Variants in INSL6 observed in about 807,000 individuals in gnomAD.
INSL6 encodes insulin-like peptide INSL6.
INSL6 carries 16 observed loss-of-function variants against 9.4 expected under a neutral mutation model. The ratio of observed to expected loss-of-function variants is 1.70; its 90% CI spans 1.15 to 2.59. INSL6 has a LOEUF of 2.59. Among genes scored for constraint, INSL6 ranks in the 30% most tolerant of loss-of-function variants. INSL6 has a pLI of 0.00. For missense variants in INSL6, 391 were observed against 257.3 expected (o/e 1.52, Z -3.56); for synonymous variants, 154 against 96.9 (o/e 1.59, Z -3.46).
the INSL6 span, among the ~76,000 whole-genome samples, chr9:5,023,393 TG>T: frequency 6.6e-6 from 1 of 152,172 alleles, no homozygotes; most frequent in Non-Finnish European, 1.5e-5. Flanking sequence ...TGTTGTGAGC[TG>T]GGCTTCAAAA....
At chr9:5,034,614 T>A in the INSL6 span, among the ~76,000 whole-genome samples, 1 of 151,906 alleles carries the variant, frequency 6.6e-6, no homozygotes, top group Non-Finnish European at 1.5e-5. Flanking sequence ...ACATGGAAAC[T>A]GAACAACCTG....
At chr9:5,013,205 T>C in the INSL6 span, among the ~76,000 whole-genome samples, 2 of 152,190 alleles carry the variant, frequency 1.3e-5, no homozygotes, top group Admixed American at 1.3e-4. Flanking sequence ...ATAACTTATA[T>C]CTTCTTCTTT....
At chr9:5,041,268 G>T in the INSL6 span, 1 of 1,238,172 alleles carries the variant, frequency 8.1e-7, no homozygotes. Flanking sequence ...ATCGACCTCG[G>T]GCTGGCCAAG....
In INSL6 at chr9:5,131,435, A is replaced by ATTT. The variant is rs550915336; in HGVS notation, c.*10+1987_*10+1989dup. ...AATTCTTTAACACCACCAGTTAACAATTTTTTTTTTTTTTTTTTTGAGACA... is the reference window on the plus strand; with the variant it reads ...AATTCTTTAACACCACCAGTTAACAATTTTTTTTTTTTTTTTTTTTTTGAGACA... On this transcript the variant is annotated intron_variant, in intron 3 of 3. Coordinates refer to the INSL6 transcript ENST00000649639. Among the ~76,000 whole-genome samples, 7 of 115,856 alleles carry ATTT rather than the reference A, an allele frequency of 6.0e-5. 1 individual carries two copies. The highest frequency in any genetic ancestry group is 2.8e-4 in the African/African-American group (7 of 24,918). The allele number at this position is 115,856 out of a possible 152,430, so 76.0% of individuals were successfully genotyped here. A position where few individuals can be genotyped will look rare whatever the true frequency, so the allele number is the denominator to read the frequency against.
chr9:5,041,640 C>G, the INSL6 span: 17 of 502,768 alleles, frequency 3.4e-5, no homozygotes, highest in Admixed American at 6.9e-5. Flanking sequence ...CTTTGAGAAG[C>G]TCGACTACGA....
the INSL6 span, among the ~76,000 whole-genome samples, chr9:5,008,458 A>G: frequency 6.6e-6 from 1 of 152,218 alleles, no homozygotes; most frequent in Non-Finnish European, 1.5e-5. Context: ...TGAGGAGGAG[A>G]AAGTATGAGA....
the INSL6 span, among the ~76,000 whole-genome samples, chr9:5,115,493 G>T: frequency 6.6e-6 from 1 of 152,198 alleles, no homozygotes; most frequent in South Asian, 2.1e-4. Context: ...CATTGTGGAA[G>T]ACAGTGTGGC....
chr9:5,068,559 C>G, the INSL6 span, among the ~76,000 whole-genome samples: 14 of 152,168 alleles, frequency 9.2e-5, no homozygotes, highest in African/African-American at 3.4e-4. Context: ...AGAAAGATAG[C>G]ATGAAGAATT....
At chr9:5,083,486 T>C in the INSL6 span, among the ~76,000 whole-genome samples, 2 of 152,232 alleles carry the variant, frequency 1.3e-5, no homozygotes, top group Non-Finnish European at 1.5e-5. Flanking sequence ...GTCATTGATT[T>C]TCCTCTTTTC....
the INSL6 span, chr9:5,077,498 A>C: frequency 1.4e-6 from 2 of 1,413,100 alleles, no homozygotes; most frequent in Non-Finnish European, 1.9e-6. Context: ...CTAGATACAT[A>C]TCTGAAAAAG....
At chr9:5,168,833 G>A (rs909491682) in intron 1 of INSL6, among the ~76,000 whole-genome samples, 1 of 151,944 alleles carries the variant, frequency 6.6e-6, no homozygotes, top group African/African-American at 2.4e-5. Flanking sequence ...GAGAAAGGTC[G>A]AGTCACCTAT....
intron 2 of INSL6, among the ~76,000 whole-genome samples, chr9:5,135,596 C>G (rs1228714087): frequency 6.6e-6 from 1 of 152,032 alleles, no homozygotes; most frequent in East Asian, 1.9e-4. Context: ...AACAATGTAC[C>G]AGAATCTCTA....
At chr9:5,016,254 G>A in the INSL6 span, among the ~76,000 whole-genome samples, 1 of 152,232 alleles carries the variant, frequency 6.6e-6, no homozygotes, top group East Asian at 1.9e-4. Context: ...TGACTGACTG[G>A]ATCTGCATCG....
At chr9:5,042,260 C>G in the INSL6 span, among the ~76,000 whole-genome samples, 3 of 151,726 alleles carry the variant, frequency 2.0e-5, no homozygotes, top group African/African-American at 7.3e-5. Flanking sequence ...GCCTCAGCCT[C>G]CCAAGTAGCT....
the INSL6 span, among the ~76,000 whole-genome samples, chr9:5,022,701 T>C: frequency 1.3e-5 from 2 of 152,198 alleles, no homozygotes; most frequent in Non-Finnish European, 2.9e-5. Context: ...TCATTTTTAC[T>C]CTTGAGACCT....
intron 1 of INSL6, among the ~76,000 whole-genome samples, chr9:5,180,170 T>C (rs920515120): frequency 6.6e-6 from 1 of 152,218 alleles, no homozygotes; most frequent in Non-Finnish European, 1.5e-5. Context: ...ATAATACTTT[T>C]ATAATTTCTT....
At chr9:5,024,890 A>G in the INSL6 span, among the ~76,000 whole-genome samples, 1 of 152,232 alleles carries the variant, frequency 6.6e-6, no homozygotes, top group African/African-American at 2.4e-5. Context: ...CTCCAGAGCC[A>G]GGGACCAGAG....
the INSL6 span, among the ~76,000 whole-genome samples, chr9:4,992,084 G>A: frequency 6.6e-6 from 1 of 152,184 alleles, no homozygotes; most frequent in Admixed American, 6.5e-5. Context: ...TGGCTACTAG[G>A]ACATGAGTTG....
downstream of INSL6, among the ~76,000 whole-genome samples, chr9:5,122,182 T>C (rs1268636478): frequency 1.3e-5 from 2 of 152,088 alleles, no homozygotes; most frequent in African/African-American, 4.8e-5. Flanking sequence ...ATTCACATTT[T>C]TAATATCAGT....
Sources: gnomAD v4.1 joint callset for allele counts (sites outside exome capture counted in the v4.1 genomes callset) on GRCh38, gnomAD v4.1.1 for gene constraint, MANE v1.5 for transcripts, NCBI Gene and HGNC (gene_info 2026-07-23, HGNC 2026-07-21) for gene names.